DRC11L: variants seen among roughly 807,000 people sequenced by gnomAD.
DRC11L encodes the protein dynein regulatory complex subunit 11 like.
chr7:151,196,297 G>A, the DRC11L span, among the ~76,000 whole-genome samples: 11 of 152,306 alleles, frequency 7.2e-5, no homozygotes, highest in South Asian at 6.2e-4. Flanking sequence ...AAAGTCTACC[G>A]AGGATGAGCT....
chr7:151,192,387 C>T, the DRC11L span: 6 of 399,234 alleles, frequency 1.5e-5, no homozygotes, highest in Non-Finnish European at 2.7e-5. Flanking sequence ...ATCAGCATCA[C>T]ACGGTCTCCG....
chr7:151,204,555 TCA>T, the DRC11L span: 1 of 398,728 alleles, frequency 2.5e-6, no homozygotes, highest in Non-Finnish European at 4.4e-6. Flanking sequence ...GCAGTGGTTC[TCA>T]CACAGGTCGG....
chr7:151,202,109 CAG>C, the DRC11L span, among the ~76,000 whole-genome samples: 15 of 152,250 alleles, frequency 9.9e-5, no homozygotes, highest in African/African-American at 2.9e-4. Flanking sequence ...TGAGGTGAGA[CAG>C]GGGATAGAAT....
the DRC11L span, among the ~76,000 whole-genome samples, chr7:151,200,024 G>A: frequency 2.0e-5 from 3 of 152,200 alleles, no homozygotes; most frequent in African/African-American, 7.2e-5. Context: ...AGAGGCTTGT[G>A]GGGGGCAGTG....
chr7:151,192,281 C>T, the DRC11L span: 24 of 398,942 alleles, frequency 6.0e-5, no homozygotes, highest in East Asian at 1.1e-4. Context: ...CTCACCATAG[C>T]GGGATGCGTA....
chr7:151,194,457 T>C, the DRC11L span: 8 of 398,480 alleles, frequency 2.0e-5, no homozygotes, highest in Non-Finnish European at 2.7e-5. Flanking sequence ...TGGATGGGGG[T>C]AGGGGAGCCT....
At chr7:151,197,961 G>A in the DRC11L span, 4 of 394,444 alleles carry the variant, frequency 1.0e-5, no homozygotes, top group Non-Finnish European at 1.3e-5. Context: ...TGGACAAATG[G>A]ATGGATGGAT....
At chr7:151,204,238 C>G in the DRC11L span, among the ~76,000 whole-genome samples, 1 of 152,236 alleles carries the variant, frequency 6.6e-6, no homozygotes, top group Admixed American at 6.5e-5. Context: ...GCACACCCCC[C>G]ACCGCCAAGG....
chr7:151,199,328 G>A, the DRC11L span, among the ~76,000 whole-genome samples: 4 of 150,950 alleles, frequency 2.6e-5, no homozygotes, highest in African/African-American at 7.3e-5. This position sits in a 1 kb window ranked among gnomAD's most constrained non-coding sequence, Gnocchi z 5.2. Flanking sequence ...CCCGCCCCGC[G>A]GCCGAGTTGG....
chr7:151,204,378 T>A, the DRC11L span: 61 of 366,738 alleles, frequency 1.7e-4, no homozygotes, highest in Non-Finnish European at 1.9e-4. Context: ...GTCGGCCCCA[T>A]CCCTACCCCA....
chr7:151,197,173 C>T, the DRC11L span: 4 of 399,142 alleles, frequency 1.0e-5, no homozygotes, highest in East Asian at 3.6e-5. Flanking sequence ...TCCTCCCTGT[C>T]CCTCACACCA....
the DRC11L span, chr7:151,196,523 G>T: frequency 7.5e-6 from 3 of 399,550 alleles, no homozygotes; most frequent in South Asian, 2.5e-4. Flanking sequence ...TCTGACTGGG[G>T]TGTATGCTCT....
the DRC11L span, chr7:151,197,190 C>T: frequency 0.013 from 5,181 of 399,646 alleles, 233 homozygotes; most frequent in African/African-American, 0.095. Flanking sequence ...ACCATGCATC[C>T]GAGAGGTATC....
the DRC11L span, among the ~76,000 whole-genome samples, chr7:151,205,142 T>A: frequency 6.6e-6 from 1 of 151,204 alleles, no homozygotes; most frequent in Admixed American, 6.6e-5. Flanking sequence ...TCTTTGGGAG[T>A]CAGGGGCAGT....
chr7:151,192,947 C>A, the DRC11L span: 119,871 of 397,888 alleles, frequency 0.3, 18,528 homozygotes, highest in African/African-American at 0.39. Flanking sequence ...CTTGGAGCCC[C>A]GTCTCCACTC....
chr7:151,191,704 G>A, the DRC11L span: 2 of 399,266 alleles, frequency 5.0e-6, no homozygotes, highest in South Asian at 1.3e-4. Flanking sequence ...GGAACTCAGA[G>A]GCCACCAGGG....
the DRC11L span, chr7:151,204,614 G>C: frequency 2.5e-6 from 1 of 399,110 alleles, no homozygotes; most frequent in Middle Eastern, 6.3e-4. Flanking sequence ...CCGCCACGCC[G>C]TCCAGCAGGC....
chr7:151,202,065 G>A, the DRC11L span, among the ~76,000 whole-genome samples: 9 of 152,320 alleles, frequency 5.9e-5, no homozygotes, highest in South Asian at 1.0e-3. Context: ...AAGAATGCTC[G>A]GGGAACCTTA....
At chr7:151,197,006 A>G in the DRC11L span, 2 of 399,336 alleles carry the variant, frequency 5.0e-6, no homozygotes, top group African/African-American at 2.1e-5. Context: ...GGCACAGATC[A>G]TAGGGATACA....
Sources: allele counts gnomAD v4.1 joint callset (sites outside exome capture counted in the v4.1 genomes callset), GRCh38; gene constraint gnomAD v4.1.1; non-coding constraint Gnocchi (gnomAD v3.1); transcripts MANE v1.5; gene names NCBI Gene and HGNC (gene_info 2026-07-23, HGNC 2026-07-21).